The following CNBD1 variants were observed in gnomAD, a reference collection of about 807,000 sequenced individuals.
CNBD1 encodes cyclic nucleotide-binding domain-containing protein 1.
A neutral mutation model predicts 54.4 loss-of-function variants in CNBD1; 71 were observed. The ratio of observed to expected loss-of-function variants is 1.30; its 90% CI spans 1.08 to 1.59. CNBD1 has a LOEUF of 1.59. CNBD1 is among the 40% of genes most tolerant of loss of function. The probability of loss-of-function intolerance (pLI) is 0.00; values close to 1 mark genes in which losing one functional copy is unlikely to be tolerated. For missense variants in CNBD1, 659 were observed against 518.0 expected (o/e 1.27, Z -2.64); for synonymous variants, 182 against 170.7 (o/e 1.07, Z -0.51).
chr8:87,275,904 T>G (rs1325126869), intron 6 of CNBD1, among the ~76,000 whole-genome samples: 3 of 151,870 alleles, frequency 2.0e-5, no homozygotes, highest in Non-Finnish European at 2.9e-5. Context: ...TGTACAAAAA[T>G]CACAAGTATT....
At chr8:87,335,209 A>G (rs1485309972) in intron 8 of CNBD1, among the ~76,000 whole-genome samples, 1 of 152,140 alleles carries the variant, frequency 6.6e-6, no homozygotes, top group African/African-American at 2.4e-5. Flanking sequence ...TTCTGTAGGT[A>G]TCTATTAGGT....
chr8:87,002,542 C>T (rs985726224), intron 4 of CNBD1, among the ~76,000 whole-genome samples: 1 of 151,858 alleles, frequency 6.6e-6, no homozygotes, highest in African/African-American at 2.4e-5. Context: ...CTCAAAAATG[C>T]AAAATGTACC....
intron 8 of CNBD1, among the ~76,000 whole-genome samples, chr8:87,296,717 T>A (rs1050565366): frequency 2.0e-5 from 3 of 152,108 alleles, no homozygotes; most frequent in Admixed American, 2.0e-4. Context: ...ATATCTGATG[T>A]CTATAAAAAG....
At chr8:87,367,291 A>T (rs1434162248) in intron 10 of CNBD1, among the ~76,000 whole-genome samples, 1 of 152,054 alleles carries the variant, frequency 6.6e-6, no homozygotes, top group Non-Finnish European at 1.5e-5. Flanking sequence ...GTAGTCAGAC[A>T]ATAGTGTACT....
At chr8:87,150,773 A>G (rs981380366) in intron 4 of CNBD1, among the ~76,000 whole-genome samples, 1 of 152,056 alleles carries the variant, frequency 6.6e-6, no homozygotes, top group Non-Finnish European at 1.5e-5. Flanking sequence ...TTAGGCCCCT[A>G]CTCCCAAACA....
intron 2 of CNBD1, among the ~76,000 whole-genome samples, chr8:87,399,049 G>A (rs1811456080): frequency 6.6e-6 from 1 of 151,992 alleles, no homozygotes; most frequent in Non-Finnish European, 1.5e-5. Flanking sequence ...GATTAAAGAT[G>A]CAAAAAGAAA....
At chr8:87,377,880 G>A (rs187756148) in intron 10 of CNBD1, among the ~76,000 whole-genome samples, 8,250 of 151,244 alleles carry the variant, frequency 0.055, 283 homozygotes, top group African/African-American at 0.062. Flanking sequence ...CTGTGGTTTC[G>A]ATTTGCATTT....
At chr8:86,996,328 A>G (rs1586187754) in intron 4 of CNBD1, among the ~76,000 whole-genome samples, 1 of 152,174 alleles carries the variant, frequency 6.6e-6, no homozygotes, top group Admixed American at 6.5e-5. Flanking sequence ...ATTGCTTCCT[A>G]TAAAAAGGGC....
chr8:87,110,864 T>C (rs1219151524), intron 4 of CNBD1, among the ~76,000 whole-genome samples: 2 of 152,186 alleles, frequency 1.3e-5, no homozygotes, highest in African/African-American at 4.8e-5. Context: ...AAAGGATGCA[T>C]TTGTCAGATC....
intron 8 of CNBD1, among the ~76,000 whole-genome samples, chr8:87,339,227 C>T (rs1036792000): frequency 6.6e-6 from 1 of 152,170 alleles, no homozygotes; most frequent in African/African-American, 2.4e-5. Context: ...CTGATACTTA[C>T]TATAAGTACA....
At chr8:87,199,742 A>C (rs531185391) in intron 4 of CNBD1, among the ~76,000 whole-genome samples, 1 of 152,304 alleles carries the variant, frequency 6.6e-6, no homozygotes, top group South Asian at 2.1e-4. Context: ...TTTACACACC[A>C]AATTGTCAAC....
At chr8:87,129,738 A>G (rs1812077024) in intron 4 of CNBD1, among the ~76,000 whole-genome samples, 1 of 151,920 alleles carries the variant, frequency 6.6e-6, no homozygotes, top group Admixed American at 6.6e-5. Context: ...TTATGTTGTT[A>G]TTTTTATTCA....
At chr8:87,157,149 A>T (rs1206800418) in intron 4 of CNBD1, among the ~76,000 whole-genome samples, 1 of 152,162 alleles carries the variant, frequency 6.6e-6, no homozygotes, top group Non-Finnish European at 1.5e-5. Context: ...AAAAAACAAG[A>T]TAATATTGTA....
In CNBD1 at chr8:87,201,758, T is replaced by A. The variant is rs910502607; in HGVS notation, c.432-4235T>A. On this transcript the variant is annotated intron_variant, in intron 4 of 10. Coordinates refer to ENST00000518476, the MANE Select transcript of CNBD1 (RefSeq NM_173538.3). Reference sequence around the variant, plus strand: ...TTCAGAGGTTGAAAAACTTAATTTTTAAAAAAAATTATTTATTTTTTGAGA... The same window carrying A: ...TTCAGAGGTTGAAAAACTTAATTTTAAAAAAAAATTATTTATTTTTTGAGA... Among the ~76,000 whole-genome samples, 25 of 152,136 alleles carry A rather than the reference T, an allele frequency of 1.6e-4. No homozygotes were observed. In the East Asian group the frequency reaches 1.7e-3, roughly 11 times the overall value.
rs117830556 is a variant in CNBD1, at chr8:87,237,641, G to A, written c.771+529G>A. Among the ~76,000 whole-genome samples the A allele has an allele frequency of 3.1e-3, 473 of 152,106 alleles. 2 individuals are homozygous for A. The highest frequency in any genetic ancestry group is 6.8e-3 in the Middle Eastern group (2 of 292). ...AAAATTAAAAGTTCCATATCTTTCC[G>A]AATCTCTGGATACTCCACATGGGAT... On this transcript the variant is annotated intron_variant, in intron 6 of 10. Transcript: ENST00000518476.
At chr8:87,329,325 A>T (rs1404308869) in intron 8 of CNBD1, among the ~76,000 whole-genome samples, 1 of 152,126 alleles carries the variant, frequency 6.6e-6, no homozygotes. Context: ...TGTAACTCTT[A>T]AAGTTGGCTG....
At chr8:87,337,898 C>T (rs368022462) in intron 8 of CNBD1, among the ~76,000 whole-genome samples, 2 of 152,324 alleles carry the variant, frequency 1.3e-5, no homozygotes, top group East Asian at 3.9e-4. Flanking sequence ...ATTGCTGCTG[C>T]TTCTAGTCAG....
chr8:87,315,102 A>G (rs1173839351), intron 8 of CNBD1, among the ~76,000 whole-genome samples: 1 of 151,746 alleles, frequency 6.6e-6, no homozygotes, highest in Non-Finnish European at 1.5e-5. Flanking sequence ...TTTAGTGGAC[A>G]GATTAATTGA....
At chr8:87,227,091 T>C (rs377701009) in intron 5 of CNBD1, among the ~76,000 whole-genome samples, 6,194 of 151,968 alleles carry the variant, frequency 0.041, 386 homozygotes, top group African/African-American at 0.13. Flanking sequence ...TCCATTGGCT[T>C]GGTAGATCTT....
Sources: gnomAD v4.1 joint callset for allele counts (sites outside exome capture counted in the v4.1 genomes callset) on GRCh38, gnomAD v4.1.1 for gene constraint, MANE v1.5 for transcripts, NCBI Gene and HGNC (gene_info 2026-07-23, HGNC 2026-07-21) for gene names.